PPM1L: variants seen among roughly 807,000 people sequenced by gnomAD.
PPM1L encodes protein phosphatase, Mg2+/Mn2+ dependent 1L, also known as protein phosphatase 1L.
Under a neutral mutation model 31.4 loss-of-function variants are expected in PPM1L, and 13 were observed. That is an observed-to-expected ratio of 0.41 (90% CI 0.27 to 0.66). The LOEUF is 0.66. PPM1L is among the 30% of genes least tolerant of loss of function. The pLI is 0.29. For missense variants in PPM1L, 326 were observed against 453.7 expected, an observed-to-expected ratio of 0.72 and a Z score of 2.56; for synonymous variants, 184 against 175.4, an observed-to-expected ratio of 1.05 and a Z score of -0.39.
chr3:160,971,103 A>G (rs1478253606), intron 2 of PPM1L, among the ~76,000 whole-genome samples: 2 of 152,178 alleles, frequency 1.3e-5, no homozygotes, highest in Non-Finnish European at 2.9e-5. Context: ...TTTGACATCT[A>G]CAAAATAGAA....
At chr3:160,808,962 A>G (rs1252900051) in intron 1 of PPM1L, among the ~76,000 whole-genome samples, 2 of 151,982 alleles carry the variant, frequency 1.3e-5, no homozygotes, top group African/African-American at 4.8e-5. Context: ...ATGATCTGGG[A>G]ACTGATTAGA....
chr3:160,781,209 C>G (rs1042973372), intron 1 of PPM1L, among the ~76,000 whole-genome samples: 1 of 152,120 alleles, frequency 6.6e-6, no homozygotes, highest in Non-Finnish European at 1.5e-5. Flanking sequence ...AATGGTTTTT[C>G]TTTTAGTGAT....
chr3:160,973,819 A>T (rs1283474808), intron 2 of PPM1L, among the ~76,000 whole-genome samples: 774 of 66,966 alleles, frequency 0.012, no homozygotes, highest in Middle Eastern at 0.033. Flanking sequence ...TTATTTTTTT[A>T]TTTTTTTTTG....
At chr3:160,860,813 C>T (rs970835623) in intron 1 of PPM1L, among the ~76,000 whole-genome samples, 10 of 152,080 alleles carry the variant, frequency 6.6e-5, no homozygotes, top group Admixed American at 1.3e-4. Flanking sequence ...TGCCTTCCTG[C>T]GGTATTGTAC....
intron 1 of PPM1L, among the ~76,000 whole-genome samples, chr3:160,886,138 A>G (rs1712909207): frequency 6.6e-6 from 1 of 152,070 alleles, no homozygotes; most frequent in Non-Finnish European, 1.5e-5. Context: ...ATATTTCCTT[A>G]CTGGGCGGGG....
At chr3:160,880,529 G>T (rs1337457473) in intron 1 of PPM1L, among the ~76,000 whole-genome samples, 4 of 152,016 alleles carry the variant, frequency 2.6e-5, no homozygotes, top group African/African-American at 9.7e-5. Context: ...AGTGAAGTGG[G>T]AGGTTTCATA....
intron 1 of PPM1L, among the ~76,000 whole-genome samples, chr3:160,799,768 T>A (rs942246957): frequency 1.3e-5 from 2 of 152,238 alleles, no homozygotes; most frequent in Non-Finnish European, 2.9e-5. Flanking sequence ...GTATGTCACC[T>A]ATCAGAGAGG....
chr3:160,983,551 T>C (rs1344073274), intron 2 of PPM1L, among the ~76,000 whole-genome samples: 1 of 152,196 alleles, frequency 6.6e-6, no homozygotes, highest in African/African-American at 2.4e-5. Flanking sequence ...GCTACAGTTG[T>C]GCTATTTTTA....
intron 1 of PPM1L, among the ~76,000 whole-genome samples, chr3:160,855,370 C>T (rs1046013972): frequency 6.6e-6 from 1 of 152,120 alleles, no homozygotes; most frequent in African/African-American, 2.4e-5. Flanking sequence ...GAAAGATTGA[C>T]AAATGGGACC....
intron 1 of PPM1L, among the ~76,000 whole-genome samples, chr3:160,915,082 A>G (rs1269742750): frequency 6.6e-6 from 1 of 152,208 alleles, no homozygotes; most frequent in Non-Finnish European, 1.5e-5. Context: ...AGAAGGAAAT[A>G]AAGGGTATTC....
At chr3:160,969,210 G>A (rs546832324) in intron 2 of PPM1L, among the ~76,000 whole-genome samples, 1 of 152,326 alleles carries the variant, frequency 6.6e-6, no homozygotes, top group South Asian at 2.1e-4. Flanking sequence ...GCAGGTGAAA[G>A]CTACCTGTGG....
chr3:160,908,196 C>A lies in PPM1L; in HGVS notation c.400-53540C>A, dbSNP rs193220623. ...CAAATGGCCCCATAATGGTTACAAT[C>A]AAGTCTTCAAGAAACTTTGTTGTTG... On this transcript the variant is annotated intron_variant, in intron 1 of 3. Transcript: ENST00000498165. 2.3e-3 allele frequency among the ~76,000 whole-genome samples: 345 copies of A among 152,264 alleles called. 2 individuals are homozygous for A. Among genetic ancestry groups the A allele is most frequent in the African/African-American group, 7.8e-3 (325 of 41,550 alleles).
At chr3:160,965,345 G>A (rs1328626889) in intron 2 of PPM1L, among the ~76,000 whole-genome samples, 1 of 152,014 alleles carries the variant, frequency 6.6e-6, no homozygotes, top group Non-Finnish European at 1.5e-5. Context: ...GTTTAATTTA[G>A]TACTTTTTGA....
At chr3:161,001,228 C>G (rs1313502725) in intron 2 of PPM1L, among the ~76,000 whole-genome samples, 1 of 152,002 alleles carries the variant, frequency 6.6e-6, no homozygotes, top group Non-Finnish European at 1.5e-5. Flanking sequence ...AAAACAAAAA[C>G]AACAACAACA....
chr3:160,985,411 C>T (rs1716932234), intron 2 of PPM1L, among the ~76,000 whole-genome samples: 1 of 152,168 alleles, frequency 6.6e-6, no homozygotes, highest in Non-Finnish European at 1.5e-5. Context: ...ATGAAAGGAC[C>T]TCATTAACAT....
chr3:160,917,310 A>G (rs1307293461), intron 1 of PPM1L, among the ~76,000 whole-genome samples: 19 of 152,194 alleles, frequency 1.2e-4, no homozygotes, highest in Admixed American at 1.2e-3. Flanking sequence ...AGCCTATTCT[A>G]GCTAGTTATA....
At chr3:160,867,171 G>C (rs1479079158) in intron 1 of PPM1L, among the ~76,000 whole-genome samples, 1 of 152,148 alleles carries the variant, frequency 6.6e-6, no homozygotes, top group East Asian at 1.9e-4. Flanking sequence ...TGAGAGGTAA[G>C]ATGATCAGCA....
chr3:160,945,233 C>G (rs1715371412), intron 1 of PPM1L, among the ~76,000 whole-genome samples: 1 of 151,380 alleles, frequency 6.6e-6, no homozygotes, highest in Non-Finnish European at 1.5e-5. Flanking sequence ...CATGTGGTAA[C>G]TATCTTAGGC....
chr3:160,782,610 G>A (rs546231515), intron 1 of PPM1L, among the ~76,000 whole-genome samples: 194 of 152,218 alleles, frequency 1.3e-3, no homozygotes, highest in South Asian at 0.011. Flanking sequence ...ATTTCTGAAG[G>A]ACTGGAATTG....
Sources: gnomAD v4.1 joint callset for allele counts (sites outside exome capture counted in the v4.1 genomes callset) on GRCh38, gnomAD v4.1.1 for gene constraint, MANE v1.5 for transcripts, NCBI Gene and HGNC (gene_info 2026-07-23, HGNC 2026-07-21) for gene names.